Variants in PFKFB1 observed in about 807,000 individuals in gnomAD.
PFKFB1 encodes the protein 6-phosphofructo-2-kinase/fructose-2,6-biphosphatase 1.
A neutral mutation model predicts 46.4 loss-of-function variants in PFKFB1; 34 were observed. That is an observed-to-expected ratio of 0.73 (90% confidence interval 0.56 to 0.98). The LOEUF (loss-of-function observed/expected upper bound fraction) is 0.98. Among genes scored for constraint, PFKFB1 ranks in the 50% least tolerant of loss-of-function variants. The pLI, the probability that PFKFB1 is intolerant of heterozygous loss-of-function variation, is 0.00. For synonymous variants in PFKFB1, 119 were observed against 133.8 expected (o/e 0.89, Z 0.76); for missense variants, 393 against 376.3 (o/e 1.04, Z -0.37).
chrX:54,958,365 A>G lies in PFKFB1; in HGVS notation c.460-3T>C. On this transcript the variant is annotated splice_polypyrimidine_tract_variant and splice_region_variant and intron_variant, in intron 5 of 13. Transcript: ENST00000375006. The stretch of plus-strand genomic sequence containing the variant: ...CAAATGGACTCAATGAAAAACACCT[A>G]TAAAAGAAACAGAAAAGAGATTTCC... 2 of 1,136,259 alleles carry G rather than the reference A, an allele frequency of 1.8e-6. No individual in the cohort carries two copies. The highest frequency in any genetic ancestry group is 2.4e-6 in the Non-Finnish European group (2 of 828,860). The allele number at this position is 1,136,259 out of a possible 1,213,427, so 93.6% of individuals were successfully genotyped here. A position where few individuals can be genotyped will look rare whatever the true frequency, so the allele number is the denominator to read the frequency against.
intron 1 of PFKFB1, among the ~76,000 whole-genome samples, chrX:54,964,462 A>G (rs1478408884): frequency 8.9e-6 from 1 of 112,629 alleles, no homozygotes; most frequent in Non-Finnish European, 1.9e-5. Context: ...AGCAATCATT[A>G]GGACCAGAGT....
chrX:54,954,550 G>C (rs923390933), intron 7 of PFKFB1, among the ~76,000 whole-genome samples: 1 of 112,074 alleles, frequency 8.9e-6, no homozygotes, highest in Non-Finnish European at 1.9e-5. Context: ...AAGTTTTTAA[G>C]ATAGTTTTTT....
At chrX:54,976,967 G>A (rs1370733637) in intron 1 of PFKFB1, among the ~76,000 whole-genome samples, 1 of 110,759 alleles carries the variant, frequency 9.0e-6, no homozygotes, top group Non-Finnish European at 1.9e-5. Context: ...CTCAGTAGTT[G>A]CCAGGGGTTG....
intron 9 of PFKFB1, among the ~76,000 whole-genome samples, chrX:54,946,574 T>C (rs1933819020): frequency 1.8e-5 from 2 of 111,616 alleles, no homozygotes; most frequent in African/African-American, 6.5e-5. Flanking sequence ...ATCTCTGCAG[T>C]GTGAAACTTC....
intron 1 of PFKFB1, among the ~76,000 whole-genome samples, chrX:54,985,477 G>C (rs1337292355): frequency 9.0e-6 from 1 of 111,150 alleles, no homozygotes; most frequent in African/African-American, 3.3e-5. Flanking sequence ...TGCACTCCAA[G>C]AAGCAACACT....
intron 6 of PFKFB1, among the ~76,000 whole-genome samples, chrX:54,957,203 T>C (rs145390597): frequency 1.0e-3 from 116 of 111,863 alleles, no homozygotes; most frequent in African/African-American, 3.5e-3. Context: ...CCATACTTAG[T>C]ATATGCTTAT....
At position 54,934,979 on chromosome X, in the gene PFKFB1, T is replaced by G. The variant is rs1399942818; in HGVS notation, c.1259A>C (p.His420Pro). ...DELPYLKCPL[H>P]TVLKLTPVAY... ...CACAGGAGTGAGTTTGAGCACTGTG[T>G]GCAGAGGGCACTTGAGATATGGAAG... is the stretch of plus-strand genomic sequence containing the variant. Residue 420 changes from histidine to proline, a missense_variant, in exon 12 of 14, where the codon CAC (histidine) becomes CCC (proline). Coordinates refer to ENST00000375006, the MANE Select transcript of PFKFB1 (RefSeq NM_002625.4). 1.5e-5 allele frequency: 18 copies of G among 1,207,388 alleles called. No homozygotes were observed. The East Asian group carries it at 1.8e-4, about 12-fold the overall frequency.
chrX:54,979,293 T>A (rs1336500529), intron 1 of PFKFB1, among the ~76,000 whole-genome samples: 1 of 111,649 alleles, frequency 9.0e-6, no homozygotes, highest in Non-Finnish European at 1.9e-5. Context: ...AAACTCTTAT[T>A]TATCCTATCA....
chrX:54,991,616 G>A (rs955814448), intron 1 of PFKFB1, among the ~76,000 whole-genome samples: 1 of 108,774 alleles, frequency 9.2e-6, no homozygotes, highest in Non-Finnish European at 1.9e-5. Context: ...AAAATTTATG[G>A]AGAAGGGCAT....
intron 1 of PFKFB1, among the ~76,000 whole-genome samples, chrX:54,992,062 T>G (rs141569658): frequency 0.017 from 1,859 of 111,245 alleles, 47 homozygotes; most frequent in African/African-American, 0.059. Context: ...ACTATCTAAG[T>G]TTTTTGCATC....
chrX:54,980,282 C>T (rs1934945481), intron 1 of PFKFB1, among the ~76,000 whole-genome samples: 1 of 110,960 alleles, frequency 9.0e-6, no homozygotes, highest in South Asian at 3.7e-4. Flanking sequence ...CACAATAATA[C>T]AGTGGATCAT....
chrX:54,969,717 T>C (rs775450769), intron 1 of PFKFB1, among the ~76,000 whole-genome samples: 14 of 111,847 alleles, frequency 1.3e-4, no homozygotes, highest in African/African-American at 2.3e-4. Context: ...GCTTTCTCTC[T>C]AATATCAGGA....
intron 9 of PFKFB1, among the ~76,000 whole-genome samples, chrX:54,947,294 T>C (rs1933836273): frequency 9.0e-6 from 1 of 111,689 alleles, no homozygotes; most frequent in Non-Finnish European, 1.9e-5. Context: ...CACATGCTGT[T>C]CTCTATTTCT....
intron 1 of PFKFB1, among the ~76,000 whole-genome samples, chrX:54,985,757 A>G (rs1415304035): frequency 9.1e-6 from 1 of 110,031 alleles, no homozygotes; most frequent in African/African-American, 3.3e-5. Flanking sequence ...TAATAGCTCA[A>G]AAAGGAAGGT....
At chrX:54,969,377 C>T (rs1934574524) in intron 1 of PFKFB1, among the ~76,000 whole-genome samples, 1 of 111,732 alleles carries the variant, frequency 8.9e-6, no homozygotes, top group East Asian at 2.8e-4. Flanking sequence ...CTCTCTTGCC[C>T]TTTCACCTTC....
At position 54,994,023 on chromosome X, in the gene PFKFB1, G is replaced by A. The variant is rs773170181; in HGVS notation, c.-16C>T. On this transcript the variant is annotated 5_prime_UTR_variant, in exon 1 of 14. Coordinates refer to ENST00000375006, the MANE Select transcript of PFKFB1 (RefSeq NM_002625.4). ...CTGGAGACATCTTAGGAGTCGCACC[G>A]AATGACATCACTGCCCACAAGGTAC... 2.6e-5 allele frequency: 31 copies of A among 1,190,175 alleles called. No homozygotes were observed. The highest frequency in any genetic ancestry group is 2.9e-5 in the Non-Finnish European group (26 of 884,719).
chrX:54,977,311 G>A (rs1480988781), intron 1 of PFKFB1, among the ~76,000 whole-genome samples: 1 of 111,021 alleles, frequency 9.0e-6, no homozygotes, highest in Non-Finnish European at 1.9e-5. Context: ...GAAAGTAATT[G>A]TGTGTAGACA....
chrX:54,975,350 G>A (rs1198159003), intron 1 of PFKFB1, among the ~76,000 whole-genome samples: 1 of 111,063 alleles, frequency 9.0e-6, no homozygotes, highest in Admixed American at 9.6e-5. Flanking sequence ...TGGAGATGGT[G>A]GCCATTTTTT....
At chrX:54,945,962 G>C (rs1267086014) in intron 9 of PFKFB1, among the ~76,000 whole-genome samples, 1 of 109,437 alleles carries the variant, frequency 9.1e-6, no homozygotes, top group Non-Finnish European at 1.9e-5. Context: ...TATGTTTAAA[G>C]ACTTATGCCT....
Sources: gnomAD v4.1 joint callset for allele counts (sites outside exome capture counted in the v4.1 genomes callset) on GRCh38, gnomAD v4.1.1 for gene constraint, MANE v1.5 for transcripts, NCBI Gene and HGNC (gene_info 2026-07-23, HGNC 2026-07-21) for gene names.